The following LIMS1 variants were observed in gnomAD, a reference collection of about 807,000 sequenced individuals.
LIMS1 encodes the protein LIM zinc finger domain containing 1.
A neutral mutation model predicts 44.1 loss-of-function variants in LIMS1; 18 were observed. The ratio of observed to expected loss-of-function variants is 0.41; its 90% CI spans 0.28 to 0.61. The LOEUF (loss-of-function observed/expected upper bound fraction) is 0.61. LIMS1 is among the 20% of genes least tolerant of loss of function. The pLI, the probability that LIMS1 is intolerant of heterozygous loss-of-function variation, is 0.32. For synonymous variants in LIMS1, 93 were observed against 149.1 expected, an observed-to-expected ratio of 0.62 and a Z score of 2.74; for missense variants, 201 against 422.0, an observed-to-expected ratio of 0.48 and a Z score of 4.59.
At chr2:108,572,174 A>AG (rs1685499810) in intron 1 of LIMS1, among the ~76,000 whole-genome samples, 1 of 152,092 alleles carries the variant, frequency 6.6e-6, no homozygotes, top group Admixed American at 6.5e-5. Flanking sequence ...TTTATATCCT[A>AG]ATCCTGACTT....
chr2:108,634,602 G>A (rs1573506954), intron 1 of LIMS1, among the ~76,000 whole-genome samples: 1 of 152,174 alleles, frequency 6.6e-6, no homozygotes, highest in East Asian at 1.9e-4. Flanking sequence ...GACATCTCTG[G>A]AGAGACGCCA....
At chr2:108,676,141 C>A (rs1441581346) in intron 6 of LIMS1, 113 bp downstream of exon 6, 20 of 1,333,380 alleles carry the variant, frequency 1.5e-5, no homozygotes, top group Non-Finnish European at 1.8e-5. Context: ...TTCAAATCTT[C>A]ATGATTCAGG....
intron 1 of LIMS1, among the ~76,000 whole-genome samples, chr2:108,641,507 C>T (rs1473292448): frequency 1.3e-5 from 2 of 152,108 alleles, no homozygotes; most frequent in East Asian, 1.9e-4. Context: ...TTGTTTTGTT[C>T]ATTTCATTAT....
At chr2:108,613,417 A>G (rs1687765981) in intron 1 of LIMS1, among the ~76,000 whole-genome samples, 1 of 152,192 alleles carries the variant, frequency 6.6e-6, no homozygotes, top group African/African-American at 2.4e-5. Flanking sequence ...TCCACAAAAG[A>G]ATGTGGGGAG....
At chr2:108,602,942 T>C (rs1687087413) in intron 1 of LIMS1, among the ~76,000 whole-genome samples, 1 of 152,196 alleles carries the variant, frequency 6.6e-6, no homozygotes, top group Admixed American at 6.5e-5. Flanking sequence ...ATTTTTTGTA[T>C]TTTTTTGCAG....
intron 1 of LIMS1, among the ~76,000 whole-genome samples, chr2:108,574,558 T>C (rs1300115311): frequency 3.9e-5 from 6 of 152,146 alleles, no homozygotes; most frequent in South Asian, 2.1e-4. Flanking sequence ...CAGCCTTCAA[T>C]TGGGTTAGAG....
intron 1 of LIMS1, among the ~76,000 whole-genome samples, chr2:108,581,560 CAGAA>C (rs1173131196): frequency 6.6e-6 from 1 of 152,152 alleles, no homozygotes; most frequent in African/African-American, 2.4e-5. Flanking sequence ...TTCCCAAACT[CAGAA>C]AGGCCCCCAG....
At chr2:108,598,090 T>A (rs1686810096) in intron 1 of LIMS1, among the ~76,000 whole-genome samples, 3 of 151,794 alleles carry the variant, frequency 2.0e-5, no homozygotes, top group Admixed American at 2.0e-4. Flanking sequence ...TAGGAATAGC[T>A]ACCAATTATG....
chr2:108,661,332 A>G (rs2438234), intron 2 of LIMS1, among the ~76,000 whole-genome samples: 3 of 123,386 alleles, frequency 2.4e-5, no homozygotes, highest in Non-Finnish European at 3.4e-5. Context: ...CTTTTCTTCT[A>G]GTTCTTTTTT....
chr2:108,548,676 C>T (rs572686013), intron 1 of LIMS1, among the ~76,000 whole-genome samples: 8 of 152,284 alleles, frequency 5.3e-5, no homozygotes, highest in South Asian at 2.1e-4. Context: ...TCCCCACCAG[C>T]CCCCCTGGCA....
intron 1 of LIMS1, among the ~76,000 whole-genome samples, chr2:108,597,693 CTT>C (rs10693112): frequency 6.6e-4 from 72 of 108,478 alleles, no homozygotes; most frequent in African/African-American, 7.7e-4. Flanking sequence ...AGCAAAAATG[CTT>C]TTTTTTTTTT....
chr2:108,534,535 A>G, exon 1 of LIMS1: 1 of 1,208,422 alleles, frequency 8.3e-7, no homozygotes, highest in Admixed American at 4.2e-5. Context: ...CGAGGGGCTG[A>G]GAGACGGCGG....
At chr2:108,673,462 C>G (rs1692278931) in intron 5 of LIMS1, 1 of 230,952 alleles carries the variant, frequency 4.3e-6, no homozygotes, top group Non-Finnish European at 8.6e-6. Context: ...TCAGAGCTCA[C>G]TGCAGCCTCA....
At chr2:108,617,612 G>A (rs529672744) in intron 1 of LIMS1, among the ~76,000 whole-genome samples, 1 of 152,288 alleles carries the variant, frequency 6.6e-6, no homozygotes, top group African/African-American at 2.4e-5. Flanking sequence ...TTTAACAAAC[G>A]TGACTGTCTT....
At chr2:108,578,420 A>C (rs76408813) in intron 1 of LIMS1, among the ~76,000 whole-genome samples, 1,852 of 152,152 alleles carry the variant, frequency 0.012, 43 homozygotes, top group African/African-American at 0.043. Flanking sequence ...GTAGTTTTAA[A>C]TGTTATAATA....
chr2:108,668,002 T>C (rs1183988939), intron 2 of LIMS1, among the ~76,000 whole-genome samples: 1 of 152,216 alleles, frequency 6.6e-6, no homozygotes, highest in Admixed American at 6.5e-5. Context: ...TATCCTTGGT[T>C]GATCGAATCC....
intron 1 of LIMS1, chr2:108,654,915 T>TA (rs1690744984): frequency 6.7e-7 from 1 of 1,489,574 alleles, no homozygotes; most frequent in South Asian, 1.4e-5. Flanking sequence ...GCTGAGCTCT[T>TA]AACATGAAGC....
intron 7 of LIMS1, chr2:108,677,317 G>C (rs1692636209): frequency 6.6e-6 from 1 of 152,524 alleles, no homozygotes; most frequent in African/African-American, 2.4e-5. Context: ...GGTTCACCTG[G>C]TGCTTCTCTG....
intron 1 of LIMS1, among the ~76,000 whole-genome samples, chr2:108,642,335 GTTTTTTGTTTTTTTT>G (rs1689729008): frequency 2.9e-5 from 1 of 34,144 alleles, no homozygotes; most frequent in Non-Finnish European, 6.2e-5. Context: ...AGCTACTAGT[GTTTTTTGTTTTTTTT>G]TTTTTTTGTT....
Sources: allele counts gnomAD v4.1 joint callset (sites outside exome capture counted in the v4.1 genomes callset), GRCh38; gene constraint gnomAD v4.1.1; transcripts MANE v1.5; gene names NCBI Gene and HGNC (gene_info 2026-07-23, HGNC 2026-07-21).